Variants in RCC1L observed in about 807,000 individuals in gnomAD.
The protein encoded by RCC1L is RCC1 like, also known as RCC1-like G exchanging factor-like protein.
RCC1L carries 46 observed loss-of-function variants against 58.6 expected under a neutral mutation model. The ratio of observed to expected loss-of-function variants is 0.79; its 90% CI spans 0.62 to 1.00. The LOEUF is 1.00. RCC1L is among the 50% of genes least tolerant of loss of function. The pLI, the probability that RCC1L is intolerant of heterozygous loss-of-function variation, is 0.00. For missense variants in RCC1L, 636 were observed against 623.6 expected, an observed-to-expected ratio of 1.02 and a Z score of -0.21; for synonymous variants, 281 against 262.9, an observed-to-expected ratio of 1.07 and a Z score of -0.67.
chr7:75,039,862 G>A (rs1416556641), downstream of RCC1L, among the ~76,000 whole-genome samples: 2 of 152,160 alleles, frequency 1.3e-5, no homozygotes, highest in Non-Finnish European at 1.5e-5. Flanking sequence ...GCAGGAACAC[G>A]ATGATCAAGC....
chr7:75,032,761 G>C (rs921558277), intron 10 of RCC1L, among the ~76,000 whole-genome samples: 2 of 152,054 alleles, frequency 1.3e-5, no homozygotes, highest in Non-Finnish European at 2.9e-5. Flanking sequence ...AAGTCCTGTC[G>C]CTCGGGCCTT....
Position 75,042,829 on chromosome 7 carries a change from G to A in RCC1L, c.*203C>T. On this transcript the variant is annotated 3_prime_UTR_variant, in exon 11 of 11. Coordinates refer to ENST00000610322, the MANE Select transcript of RCC1L (RefSeq NM_030798.5). ...GCTGCCATCCAAGCTGAGTTCCGCA[G>A]GCCTCACCTGCAGCTGGAGAGGGAC... 6.9e-7 allele frequency: 1 copy of A among 1,445,916 alleles called. No homozygotes were observed. Among genetic ancestry groups the A allele is most frequent in the Non-Finnish European group, 9.1e-7 (1 of 1,095,872 alleles). 89.6% of individuals were successfully genotyped at this position (1,445,916 alleles called of 1,614,324 possible).
intron 10 of RCC1L, chr7:75,028,156 C>A (rs977739271): frequency 3.0e-6 from 4 of 1,351,210 alleles, no homozygotes; most frequent in Middle Eastern, 2.7e-4. Context: ...CTTGCTCTGT[C>A]GCCCAGGCTG....
In RCC1L at chr7:75,052,653, G is replaced by A. The variant is rs1584494173; in HGVS notation, c.1317+58C>T. ...CATCTGCACGCGAGGTGTCTGCAGT[G>A]ACGTCAGGTGACTCTACTCTTAGCA... is the stretch of plus-strand genomic sequence containing the variant. On this transcript the variant is annotated intron_variant, in intron 10 of 10. Coordinates refer to ENST00000610322, the MANE Select transcript of RCC1L (RefSeq NM_030798.5). The A allele has an allele frequency of 4.6e-6, 7 of 1,514,970 alleles. No individual in the cohort carries two copies. In the East Asian group the frequency reaches 1.4e-4, roughly 30 times the overall value. The allele number at this position is 1,514,970 out of a possible 1,614,324, so 93.8% of individuals were successfully genotyped here. A position where few individuals can be genotyped will look rare whatever the true frequency, so the allele number is the denominator to read the frequency against.
chr7:75,055,505 C>G (rs1806046571), intron 9 of RCC1L: 1 of 289,326 alleles, frequency 3.5e-6, no homozygotes, highest in Admixed American at 4.7e-5. Context: ...AGATCAGGGT[C>G]TGGGCTCGGC....
At chr7:75,059,927 A>AT (rs1189463343) in intron 6 of RCC1L, among the ~76,000 whole-genome samples, 3 of 151,754 alleles carry the variant, frequency 2.0e-5, no homozygotes, top group African/African-American at 4.8e-5. Flanking sequence ...TGCCCAGCCA[A>AT]TTTTTTTTGT....
chr7:75,072,020 C>CA (rs1806747906), intron 1 of RCC1L, among the ~76,000 whole-genome samples: 1 of 148,548 alleles, frequency 6.7e-6, no homozygotes, highest in Admixed American at 6.8e-5. Context: ...CACTTGAATC[C>CA]AGGAGGTCGA....
At chr7:75,035,040 A>G (rs1028541922) in intron 10 of RCC1L, among the ~76,000 whole-genome samples, 8 of 151,742 alleles carry the variant, frequency 5.3e-5, no homozygotes, top group Non-Finnish European at 1.0e-4. Context: ...ACATTTATGT[A>G]TTTATTTAGA....
intron 10 of RCC1L, among the ~76,000 whole-genome samples, chr7:75,029,413 G>C (rs997835659): frequency 6.7e-6 from 1 of 149,108 alleles, no homozygotes; most frequent in African/African-American, 2.5e-5. Context: ...GTGCGATCTC[G>C]GTTCGCTGCA....
At chr7:75,057,694 A>T in intron 7 of RCC1L, 78 bp from the exon 8 acceptor site, 2 of 1,281,542 alleles carry the variant, frequency 1.6e-6, no homozygotes, top group Non-Finnish European at 2.3e-6. Context: ...TTAGGTACAG[A>T]GTAGCTGAGT....
At chr7:75,053,021 C>A (rs967012899) in intron 9 of RCC1L, among the ~76,000 whole-genome samples, 15 of 149,940 alleles carry the variant, frequency 1.0e-4, no homozygotes, top group African/African-American at 3.7e-4. Flanking sequence ...TGCATCCACC[C>A]ACGTGGGAGA....
downstream of RCC1L, among the ~76,000 whole-genome samples, chr7:75,038,889 G>A (rs1216104483): frequency 1.3e-5 from 2 of 152,236 alleles, no homozygotes; most frequent in Non-Finnish European, 2.9e-5. Context: ...CCAGTCTCGG[G>A]AGAGGAATGC....
chr7:75,032,223 G>C (rs1805322400), intron 10 of RCC1L, among the ~76,000 whole-genome samples: 3 of 151,772 alleles, frequency 2.0e-5, no homozygotes, highest in Non-Finnish European at 4.4e-5. Context: ...GCCTGGGAGT[G>C]GGGACGGTGG....
At position 75,063,324 on chromosome 7, in the gene RCC1L, T is replaced by C; in HGVS notation, c.670A>G (p.Arg224Gly). ...EIYSESHRVH[R>G]MQDFDGQVVQ... ...ACCTGGCCATCGAAGTCCTGCATCC[T>C]GTGGACTCTGTGACTTTCACTACAG... The change falls in exon 5 of 11, where the codon AGG (arginine) becomes GGG (glycine). Residue 224 changes from arginine to glycine, a missense_variant. Transcript: ENST00000610322. 6.2e-7 allele frequency: 1 copy of C among 1,613,862 alleles called. No homozygotes were observed. The highest frequency in any genetic ancestry group is 1.1e-5 in the South Asian group (1 of 91,074).
At chr7:75,039,406 A>T (rs1488015646), downstream of RCC1L, among the ~76,000 whole-genome samples, 1 of 152,226 alleles carries the variant, frequency 6.6e-6, no homozygotes, top group Non-Finnish European at 1.5e-5. Context: ...TCCTGAATTA[A>T]TGAAAATGTG....
intron 10 of RCC1L, among the ~76,000 whole-genome samples, chr7:75,047,718 G>A (rs1805771270): frequency 6.6e-6 from 1 of 151,430 alleles, no homozygotes. Flanking sequence ...CGCAATCTCG[G>A]CTCACTGCAA....
At chr7:75,070,535 C>A in intron 2 of RCC1L, 105 bp downstream of exon 2, 2 of 1,468,270 alleles carry the variant, frequency 1.4e-6, no homozygotes, top group South Asian at 1.3e-5. Flanking sequence ...CTCGCCACTG[C>A]ACTCTAGCCT....
chr7:75,054,572 A>G (rs1160698844), intron 9 of RCC1L, among the ~76,000 whole-genome samples: 1 of 152,184 alleles, frequency 6.6e-6, no homozygotes, highest in Non-Finnish European at 1.5e-5. Context: ...TTCCCCCAAA[A>G]TTAGTCCATA....
intron 8 of RCC1L, among the ~76,000 whole-genome samples, chr7:75,057,290 A>G (rs1440486940): frequency 1.3e-5 from 2 of 151,508 alleles, no homozygotes; most frequent in East Asian, 1.9e-4. Flanking sequence ...TAATTTCTCC[A>G]TTTTTTGGTA....
Sources: allele counts gnomAD v4.1 joint callset (sites outside exome capture counted in the v4.1 genomes callset), GRCh38; gene constraint gnomAD v4.1.1; transcripts MANE v1.5; gene names NCBI Gene and HGNC (gene_info 2026-07-23, HGNC 2026-07-21).